The following DLGAP2 variants were observed in gnomAD, a reference collection of about 807,000 sequenced individuals.
DLGAP2 encodes DLG associated protein 2.
In DLGAP2, 26 loss-of-function variants were observed where a neutral mutation model predicts 100.3. The ratio of observed to expected loss-of-function variants is 0.26; its 90% CI spans 0.19 to 0.36. The LOEUF is 0.36. DLGAP2 is among the 10% of genes least tolerant of loss of function. DLGAP2 has a pLI of 1.00. For synonymous variants in DLGAP2, 886 were observed against 630.1 expected, an observed-to-expected ratio of 1.41 and a Z score of -6.08; for missense variants, 1,858 against 1,453.2, an observed-to-expected ratio of 1.28 and a Z score of -4.53.
chr8:1,597,195 G>C (rs1432471935), intron 6 of DLGAP2, among the ~76,000 whole-genome samples: 2 of 152,120 alleles, frequency 1.3e-5, no homozygotes, highest in East Asian at 1.9e-4. Context: ...TGTTATTTCT[G>C]ATGCCTCTGT....
At chr8:1,640,828 C>G (rs915560000) in intron 8 of DLGAP2, among the ~76,000 whole-genome samples, 5 of 152,196 alleles carry the variant, frequency 3.3e-5, no homozygotes, top group Admixed American at 6.5e-5. Flanking sequence ...GTCCAGATAC[C>G]TAAAAGATGA....
intron 3 of DLGAP2, among the ~76,000 whole-genome samples, chr8:1,348,976 T>C (rs1328271465): frequency 6.6e-6 from 1 of 152,082 alleles, no homozygotes; most frequent in Non-Finnish European, 1.5e-5. Context: ...CTTAGAGATA[T>C]TTTTAAATAT....
intron 6 of DLGAP2, among the ~76,000 whole-genome samples, chr8:1,589,313 A>G (rs949984268): frequency 5.3e-5 from 8 of 152,268 alleles, no homozygotes; most frequent in East Asian, 1.9e-4. Flanking sequence ...TGCAGTTACC[A>G]TAGTAATAAA....
chr8:1,430,024 A>C (rs1444275322), intron 3 of DLGAP2, among the ~76,000 whole-genome samples: 9 of 96,996 alleles, frequency 9.3e-5, no homozygotes, highest in Admixed American at 1.1e-4. Context: ...ATATATATAT[A>C]TATACACACA....
intron 3 of DLGAP2, among the ~76,000 whole-genome samples, chr8:1,275,959 A>C (rs2116938992): frequency 7.8e-6 from 1 of 128,780 alleles, no homozygotes; most frequent in African/African-American, 3.0e-5. Flanking sequence ...ATATAAATAA[A>C]TATATAATAT....
chr8:1,659,104 T>TAGTC (rs1215954563), intron 8 of DLGAP2, among the ~76,000 whole-genome samples: 1 of 152,204 alleles, frequency 6.6e-6, no homozygotes, highest in African/African-American at 2.4e-5. Context: ...ATTTACCCAG[T>TAGTC]AGTCATTCAG....
rs2906570 is a variant in DLGAP2 at position 1,554,015 on chromosome 8, C to T, written c.1230+4332C>T. 2.1e-3 allele frequency among the ~76,000 whole-genome samples: 325 copies of T among 152,306 alleles called. 3 individuals carry two copies. The highest frequency in any genetic ancestry group is 3.6e-3 in the Non-Finnish European group (247 of 68,030). On this transcript the variant is annotated intron_variant, in intron 5 of 14. Coordinates refer to ENST00000637795, the MANE Select transcript of DLGAP2 (RefSeq NM_001346810.2). ...AAAAGGCTTGTCACAGGGCCAGGCA[C>T]GGTGGCTCACACCTGTCATCCTAGC...
intron 2 of DLGAP2, among the ~76,000 whole-genome samples, chr8:924,547 C>T (rs936410342): frequency 6.6e-6 from 1 of 151,896 alleles, no homozygotes; most frequent in Non-Finnish European, 1.5e-5. Context: ...CTTCGGGAAG[C>T]TGGCACTGCA....
At position 916,657 on chromosome 8, in the gene DLGAP2, A is replaced by T. The variant is rs571984734; in HGVS notation, c.73+8691A>T. ...TGTACCCTAGAACTTAAAGTATAATAAAAAAAATTAAAGAAAATAAATTTA... is the reference window on the plus strand; with the variant it reads ...TGTACCCTAGAACTTAAAGTATAATTAAAAAAATTAAAGAAAATAAATTTA... On this transcript the variant is annotated intron_variant, in intron 2 of 14. Coordinates refer to ENST00000637795, the MANE Select transcript of DLGAP2 (RefSeq NM_001346810.2). Among the ~76,000 whole-genome samples, 22 of 151,992 alleles carry T rather than the reference A, an allele frequency of 1.4e-4. 1 individual carries two copies. In the South Asian group the frequency reaches 4.3e-3, roughly 30 times the overall value.
At chr8:786,979 T>C (rs1036992547) in intron 1 of DLGAP2, among the ~76,000 whole-genome samples, 1 of 152,202 alleles carries the variant, frequency 6.6e-6, no homozygotes, top group African/African-American at 2.4e-5. Context: ...GGTTTGGTCC[T>C]GTCAGATTCT....
At chr8:1,320,618 G>T (rs1199198213) in intron 3 of DLGAP2, among the ~76,000 whole-genome samples, 1 of 152,192 alleles carries the variant, frequency 6.6e-6, no homozygotes, top group Non-Finnish European at 1.5e-5. Context: ...CATATTCTAA[G>T]TTCTGGTCAT....
intron 2 of DLGAP2, among the ~76,000 whole-genome samples, chr8:923,463 C>T (rs1294195152): frequency 6.6e-6 from 1 of 152,190 alleles, no homozygotes; most frequent in Non-Finnish European, 1.5e-5. Context: ...TACCTTCCGC[C>T]CAGGAGCTGG....
In DLGAP2 at chr8:1,101,753, C is replaced by T. The variant is rs552989702; in HGVS notation, c.74-157098C>T. On this transcript the variant is annotated intron_variant, in intron 2 of 14. Coordinates refer to ENST00000637795, the MANE Select transcript of DLGAP2 (RefSeq NM_001346810.2). The stretch of plus-strand genomic sequence containing the variant: ...CGACGATGGGAAGCTCCTCGTCACC[C>T]CTGAGCCGAACACGACACGACGATG... 4.4e-5 allele frequency among the ~76,000 whole-genome samples: 4 copies of T among 91,758 alleles called. No individual in the cohort carries two copies. The South Asian group carries it at 1.9e-3, about 44-fold the overall frequency. 60.2% of individuals were successfully genotyped at this position (91,758 alleles called of 152,430 possible). A position where few individuals can be genotyped will look rare whatever the true frequency, so the allele number is the denominator to read the frequency against.
intron 2 of DLGAP2, among the ~76,000 whole-genome samples, chr8:1,190,843 C>T (rs564936374): frequency 2.6e-5 from 4 of 152,022 alleles, no homozygotes; most frequent in African/African-American, 7.2e-5. Context: ...AGAGCCCAGG[C>T]TCCAGGCGCA....
At chr8:895,429 G>C (rs527618446) in intron 1 of DLGAP2, among the ~76,000 whole-genome samples, 1 of 152,274 alleles carries the variant, frequency 6.6e-6, no homozygotes, top group South Asian at 2.1e-4. Flanking sequence ...TGTTTCCGGG[G>C]AGCAGGGGGC....
intron 2 of DLGAP2, among the ~76,000 whole-genome samples, chr8:1,185,432 G>A (rs948059730): frequency 7.2e-5 from 11 of 152,030 alleles, no homozygotes; most frequent in African/African-American, 2.4e-4. Flanking sequence ...TTGCCTCTGG[G>A]ATGAGATAGA....
At chr8:800,350 G>C (rs558392270) in intron 1 of DLGAP2, among the ~76,000 whole-genome samples, 1 of 152,250 alleles carries the variant, frequency 6.6e-6, no homozygotes, top group Non-Finnish European at 1.5e-5. Flanking sequence ...ATGTTTGTTT[G>C]GTGTTGCCTG....
chr8:1,071,273 T>C (rs927340850), intron 2 of DLGAP2, among the ~76,000 whole-genome samples: 1 of 152,226 alleles, frequency 6.6e-6, no homozygotes, highest in Non-Finnish European at 1.5e-5. Context: ...GTCACCTTTT[T>C]CTTGTGGGTG....
At chr8:746,012 C>T (rs1260362730) in intron 1 of DLGAP2, among the ~76,000 whole-genome samples, 1 of 152,224 alleles carries the variant, frequency 6.6e-6, no homozygotes, top group African/African-American at 2.4e-5. Context: ...AGGTCATCCC[C>T]TCAACACTCT....
Sources: allele counts gnomAD v4.1 joint callset (sites outside exome capture counted in the v4.1 genomes callset), GRCh38; gene constraint gnomAD v4.1.1; transcripts MANE v1.5; gene names NCBI Gene and HGNC (gene_info 2026-07-23, HGNC 2026-07-21).